PRKCSH: variants seen among roughly 807,000 people sequenced by gnomAD.
The protein encoded by PRKCSH is glucosidase 2 subunit beta.
Under a neutral mutation model 79.7 loss-of-function variants are expected in PRKCSH, and 42 were observed. The ratio of observed to expected loss-of-function variants is 0.53; its 90% CI spans 0.41 to 0.68. PRKCSH has a LOEUF of 0.68. PRKCSH is among the 30% of genes least tolerant of loss of function. The pLI is 0.00. For missense variants in PRKCSH, 686 were observed against 709.0 expected, an observed-to-expected ratio of 0.97 and a Z score of 0.37; for synonymous variants, 325 against 288.2, an observed-to-expected ratio of 1.13 and a Z score of -1.29.
chr19:11,448,314 G>A lies in PRKCSH; in HGVS notation c.1196+23G>A. 1.3e-6 allele frequency: 2 copies of A among 1,566,268 alleles called. No individual in the cohort carries two copies. The highest frequency in any genetic ancestry group is 2.3e-5 in the South Asian group (2 of 85,348). On this transcript the variant is annotated intron_variant, in intron 13 of 17. Coordinates refer to ENST00000677123, the MANE Select transcript of PRKCSH (RefSeq NM_001289104.2). The surrounding 1 kb of genome is among the most constrained non-coding windows in gnomAD (Gnocchi z 4.4). Reference sequence around the variant, plus strand: ...CAGGTAGCGGGGGCTGAGGAGCGGGGACACCTGTCCCACAGCGACTGCTCC... The same window carrying A: ...CAGGTAGCGGGGGCTGAGGAGCGGGAACACCTGTCCCACAGCGACTGCTCC...
chr19:11,448,829 G>T lies in PRKCSH; in HGVS notation c.1287-85G>T. Reference sequence around the variant, plus strand: ...GGAGTTGGAGGTACCCTGTGTGTGGGGACTGGAGGAGGCGGTGGGGGGTGG... The same window carrying T: ...GGAGTTGGAGGTACCCTGTGTGTGGTGACTGGAGGAGGCGGTGGGGGGTGG... On this transcript the variant is annotated intron_variant, in intron 14 of 17. Coordinates refer to ENST00000677123, the MANE Select transcript of PRKCSH (RefSeq NM_001289104.2). The surrounding 1 kb of genome is among the most constrained non-coding windows in gnomAD (Gnocchi z 4.4). 6.6e-7 allele frequency: 1 copy of T among 1,525,064 alleles called. No homozygotes were observed. Among genetic ancestry groups the T allele is most frequent in the Non-Finnish European group, 9.1e-7 (1 of 1,099,932 alleles). 94.5% of individuals were successfully genotyped at this position (1,525,064 alleles called of 1,614,324 possible).
chr19:11,436,580 AG>A, intron 3 of PRKCSH, 75 bp downstream of exon 3: 1 of 1,188,282 alleles, frequency 8.4e-7, no homozygotes, highest in Non-Finnish European at 1.2e-6. Context: ...TGTGTGACCA[AG>A]ATACTACCTC....
Position 11,446,356 on chromosome 19 carries a change from C to A in PRKCSH, c.762+6C>A. On this transcript the variant is annotated splice_donor_region_variant and intron_variant, in intron 9 of 17. Coordinates refer to ENST00000677123, the MANE Select transcript of PRKCSH (RefSeq NM_001289104.2). Reference sequence around the variant, plus strand: ...TGTCAGAAGCGGAAGCTCAGGTACCCCCGGCTGCCCCTTGGTTGGGGACTT... The same window carrying A: ...TGTCAGAAGCGGAAGCTCAGGTACCACCGGCTGCCCCTTGGTTGGGGACTT... 1 of 1,611,834 alleles carries A rather than the reference C, an allele frequency of 6.2e-7. No individual in the cohort carries two copies. Among genetic ancestry groups the A allele is most frequent in the Non-Finnish European group, 8.5e-7 (1 of 1,178,934 alleles).
At position 11,448,271 on chromosome 19, in the gene PRKCSH, G is replaced by A. The variant is rs773449819; in HGVS notation, c.1176G>A (p.Lys392=). Residue 392 remains lysine, a synonymous_variant, in exon 13 of 18, where the codon AAG becomes AAA. Transcript: ENST00000677123. The surrounding 1 kb of genome is among the most constrained non-coding windows in gnomAD (Gnocchi z 4.4). The stretch of plus-strand genomic sequence containing the variant: ...TCGAGGAGGCCGAGCGGTCGCTGAA[G>A]GACATGGAGGAGTCCATCAGGTAGC... ...NKFEEAERSL[K]DMEESIRNLE... 32 of 1,572,648 alleles carry A rather than the reference G, an allele frequency of 2.0e-5. No individual in the cohort carries two copies. The South Asian group carries it at 3.5e-4, about 17-fold the overall frequency.
chr19:11,436,301 G>A (rs753499816), intron 2 of PRKCSH, 88 bp from the exon 3 acceptor site: 1 of 1,579,522 alleles, frequency 6.3e-7, no homozygotes, highest in South Asian at 1.1e-5. Context: ...TCCCGGTAGT[G>A]CTCCGCTGGT....
chr19:11,448,875 C>A lies in PRKCSH; in HGVS notation c.1287-39C>A, dbSNP rs1970451796. On this transcript the variant is annotated intron_variant, in intron 14 of 17. Transcript: ENST00000677123. The surrounding 1 kb of genome is among the most constrained non-coding windows in gnomAD (Gnocchi z 4.4). ...GGTGGCTGTGGGAGGAGGCTGGAATCCCTGCGTTCCCCAACCCATATGTCC... is the reference window on the plus strand; with the variant it reads ...GGTGGCTGTGGGAGGAGGCTGGAATACCTGCGTTCCCCAACCCATATGTCC... 1 of 1,611,362 alleles carries A rather than the reference C, an allele frequency of 6.2e-7. No individual in the cohort carries two copies. Among genetic ancestry groups the A allele is most frequent in the East Asian group, 2.2e-5 (1 of 44,868 alleles).
At chr19:11,442,945 C>G (rs1310773853) in intron 7 of PRKCSH, among the ~76,000 whole-genome samples, 1 of 151,982 alleles carries the variant, frequency 6.6e-6, no homozygotes, top group African/African-American at 2.4e-5. Context: ...CTCAAGTGAT[C>G]CACCTGCCTT....
intron 5 of PRKCSH, among the ~76,000 whole-genome samples, chr19:11,438,604 A>T (rs901116325): frequency 1.3e-5 from 2 of 151,740 alleles, no homozygotes; most frequent in Admixed American, 6.6e-5. Context: ...AAATACAAAA[A>T]ATTAGCTGGG....
Position 11,448,219 on chromosome 19 carries a change from C to A in PRKCSH, c.1127-3C>A. The A allele has an allele frequency of 6.4e-7, 1 of 1,556,860 alleles. No homozygotes were observed. Among genetic ancestry groups the A allele is most frequent in the Admixed American group, 1.9e-5 (1 of 51,574 alleles). On this transcript the variant is annotated splice_polypyrimidine_tract_variant and splice_region_variant and intron_variant, in intron 12 of 17. Coordinates refer to ENST00000677123, the MANE Select transcript of PRKCSH (RefSeq NM_001289104.2). The surrounding 1 kb of genome is among the most constrained non-coding windows in gnomAD (Gnocchi z 4.4). ...CATCTCTGACCTCCAACCCCTCTCCCAGCTGCCCAGGAGGCCCGCAACAAG... is the reference window on the plus strand; with the variant it reads ...CATCTCTGACCTCCAACCCCTCTCCAAGCTGCCCAGGAGGCCCGCAACAAG...
Position 11,447,713 on chromosome 19 carries a change from AC to A in PRKCSH, c.1055del (p.Pro352ArgfsTer40). 2 of 1,583,458 alleles carry A rather than the reference AC, an allele frequency of 1.3e-6. No individual in the cohort carries two copies. The highest frequency in any genetic ancestry group is 1.7e-6 in the Non-Finnish European group (2 of 1,164,924). On this transcript the variant is annotated frameshift_variant, in exon 12 of 18. Transcript: ENST00000677123. LOFTEE classifies it high-confidence loss of function. The surrounding 1 kb of genome is among the most constrained non-coding windows in gnomAD (Gnocchi z 5.6). ...QPKEAPPPLS[P>X]PQPASPAEED... ...CCCAGGAGGCCCCACCGCCACTGTC[AC>A]CCCCGCAGCCGGCCAGCCCTGCTGA...
chr19:11,446,185 G>C (rs888617905), intron 8 of PRKCSH, 87 bp from the exon 9 acceptor site: 24 of 1,454,030 alleles, frequency 1.7e-5, no homozygotes, highest in Non-Finnish European at 2.2e-5. Flanking sequence ...GGGCCCTGCA[G>C]GGAAGAACAG....
rs1228567440 is a variant in PRKCSH at position 11,449,899 on chromosome 19, CA to C, written c.*16+473del. The C allele has an allele frequency of 4.8e-6, 1 of 206,724 alleles. No individual in the cohort carries two copies. The highest frequency in any genetic ancestry group is 9.9e-6 in the Non-Finnish European group (1 of 100,822). The allele number at this position is 206,724 out of a possible 1,614,324, so 12.8% of individuals were successfully genotyped here. ...GTTGCCGAGGCTGGAATGTGGAATGCAATGGCGCGATCTCGGCTCACTGCAA... is the reference window on the plus strand; with the variant it reads ...GTTGCCGAGGCTGGAATGTGGAATGCATGGCGCGATCTCGGCTCACTGCAA... On this transcript the variant is annotated intron_variant, in intron 17 of 17. Transcript: ENST00000677123. This position sits in a 1 kb window ranked among gnomAD's most constrained non-coding sequence, Gnocchi z 6.4.
intron 5 of PRKCSH, among the ~76,000 whole-genome samples, chr19:11,440,307 C>G (rs1025445828): frequency 6.9e-4 from 104 of 151,594 alleles, no homozygotes; most frequent in Non-Finnish European, 1.2e-3. Context: ...GCCGCTACAC[C>G]TGGCTAATTT....
chr19:11,438,231 C>G (rs1382710906), intron 5 of PRKCSH, 107 bp downstream of exon 5: 7 of 1,252,014 alleles, frequency 5.6e-6, no homozygotes, highest in Non-Finnish European at 8.0e-6. Context: ...ATCGGGTTCT[C>G]TGTCTGTGCC....
intron 5 of PRKCSH, among the ~76,000 whole-genome samples, chr19:11,438,814 C>T (rs936041213): frequency 6.6e-6 from 1 of 150,792 alleles, no homozygotes; most frequent in Non-Finnish European, 1.5e-5. Context: ...TGAGGCAATA[C>T]GGAGGGGTGG....
intron 2 of PRKCSH, 24 bp from the exon 3 acceptor site, chr19:11,436,365 G>T: frequency 3.7e-6 from 6 of 1,610,102 alleles, no homozygotes; most frequent in South Asian, 1.1e-5. Flanking sequence ...ACCTGCCCTG[G>T]GCTGAGCTTC....
At chr19:11,439,426 A>AT (rs1270645143) in intron 5 of PRKCSH, among the ~76,000 whole-genome samples, 2 of 150,182 alleles carry the variant, frequency 1.3e-5, no homozygotes, top group African/African-American at 4.9e-5. Context: ...AAAAAAAAAA[A>AT]TTAAAAAGTA....
rs148197108 is a variant in PRKCSH, at chr19:11,447,656, G to A, written c.1030-37G>A. 14,067 of 1,568,068 alleles carry A rather than the reference G, an allele frequency of 9.0e-3. 76 individuals carry two copies. The highest frequency in any genetic ancestry group is 0.014 in the Middle Eastern group (82 of 5,848). The stretch of plus-strand genomic sequence containing the variant: ...GGGAGAAGTGGAGACAGAGAGGGTG[G>A]GGGAAGGGCTACTCACTGACCCTGC... On this transcript the variant is annotated intron_variant, in intron 11 of 17. Transcript: ENST00000677123. This position sits in a 1 kb window ranked among gnomAD's most constrained non-coding sequence, Gnocchi z 5.6.
intron 9 of PRKCSH, among the ~76,000 whole-genome samples, chr19:11,446,598 C>A (rs1970314506): frequency 6.6e-6 from 1 of 151,232 alleles, no homozygotes; most frequent in Non-Finnish European, 1.5e-5. Flanking sequence ...AATCCCCTTC[C>A]TCCCCCACCC....
Sources: gnomAD v4.1 joint callset for allele counts (sites outside exome capture counted in the v4.1 genomes callset) on GRCh38, gnomAD v4.1.1 for gene constraint, Gnocchi (gnomAD v3.1) non-coding constraint, MANE v1.5 for transcripts, NCBI Gene and HGNC (gene_info 2026-07-23, HGNC 2026-07-21) for gene names.